The following NAA25 variants were observed in gnomAD, a reference collection of about 807,000 sequenced individuals.
The protein encoded by NAA25 is N-terminal acetyltransferase B complex subunit NAA25.
A neutral mutation model predicts 132.5 loss-of-function variants in NAA25; 30 were observed. That is an observed-to-expected ratio of 0.23 (90% confidence interval 0.17 to 0.31). The LOEUF (loss-of-function observed/expected upper bound fraction) is 0.31. Ranked by LOEUF, NAA25 falls within the 10% of genes least tolerant of loss-of-function variation. The pLI is 1.00. For missense variants in NAA25, 771 were observed against 1,150.4 expected (o/e 0.67, Z 4.77); for synonymous variants, 359 against 401.9 (o/e 0.89, Z 1.28).
At chr12:112,055,730 AG>A in intron 13 of NAA25, among the ~76,000 whole-genome samples, 1 of 152,026 alleles carries the variant, frequency 6.6e-6, no homozygotes, top group East Asian at 1.9e-4. Context: ...AAAAAAAAAA[AG>A]AAAAAAAAAT....
At chr12:112,101,116 C>G (rs1318452543) in intron 1 of NAA25, among the ~76,000 whole-genome samples, 2 of 152,154 alleles carry the variant, frequency 1.3e-5, no homozygotes, top group African/African-American at 4.8e-5. Context: ...TTGCCTAACC[C>G]TGGTTCTCTT....
intron 1 of NAA25, 86 bp from the exon 2 acceptor site, chr12:112,093,222 G>A (rs1372439153): frequency 3.7e-6 from 3 of 807,512 alleles, no homozygotes; most frequent in African/African-American, 3.5e-5. Flanking sequence ...AGATATTTTG[G>A]AAAATATCTT....
chr12:112,043,021 A>G lies in NAA25; in HGVS notation c.2374+67T>C, dbSNP rs2078324603. 2.7e-6 allele frequency: 4 copies of G among 1,458,574 alleles called. No individual in the cohort carries two copies. In the South Asian group the frequency reaches 5.9e-5, roughly 22 times the overall value. The allele number at this position is 1,458,574 out of a possible 1,614,324, so 90.4% of individuals were successfully genotyped here. A position where few individuals can be genotyped will look rare whatever the true frequency, so the allele number is the denominator to read the frequency against. On this transcript the variant is annotated intron_variant, in intron 19 of 23. Transcript: ENST00000261745. ...TAAAATTTTCCAGATGTGAGGTTAT[A>G]GACATTTTATTACGTGTACTACATT... is the stretch of plus-strand genomic sequence containing the variant.
chr12:112,107,842 C>T (rs901006029), intron 1 of NAA25, among the ~76,000 whole-genome samples: 4 of 152,168 alleles, frequency 2.6e-5, no homozygotes, highest in East Asian at 1.9e-4. Flanking sequence ...TTACACATTT[C>T]GGTTATTGGA....
chr12:112,056,963 G>A (rs1416941530), intron 13 of NAA25, among the ~76,000 whole-genome samples: 2 of 152,160 alleles, frequency 1.3e-5, no homozygotes, highest in African/African-American at 2.4e-5. Context: ...GCTGAGGCGG[G>A]CGGATCACGA....
intron 11 of NAA25, among the ~76,000 whole-genome samples, chr12:112,064,443 C>T (rs1006404462): frequency 1.3e-5 from 2 of 152,150 alleles, no homozygotes; most frequent in African/African-American, 4.8e-5. Context: ...GTTGGCCAGG[C>T]TGGTCTCGAA....
intron 11 of NAA25, among the ~76,000 whole-genome samples, chr12:112,067,382 T>A (rs2078735502): frequency 6.6e-6 from 1 of 152,170 alleles, no homozygotes; most frequent in African/African-American, 2.4e-5. Flanking sequence ...TAAAAATCTC[T>A]GCAAACTCAA....
chr12:112,084,730 T>A (rs552042698), intron 4 of NAA25, among the ~76,000 whole-genome samples: 1 of 151,542 alleles, frequency 6.6e-6, no homozygotes, highest in Non-Finnish European at 1.5e-5. Context: ...GAGGTGGAGG[T>A]TGCAGTGAGC....
rs780471972 is a variant in NAA25, at chr12:112,043,739, C to T, written c.2136G>A (p.Ser712=). The T allele has an allele frequency of 3.2e-5, 52 of 1,614,132 alleles. No individual in the cohort carries two copies. The East Asian group carries it at 4.5e-4, about 14-fold the overall frequency. Residue 712 remains serine, a synonymous_variant, in exon 18 of 24, where the codon TCG becomes TCA. Coordinates refer to ENST00000261745, the MANE Select transcript of NAA25 (RefSeq NM_024953.4). ...ATACCCCATTCTCGGCAGTCTTCTC[C>T]GAGTTCTTTGGCTCCACAGGGTGGT... ...SLNHPVEPKN[S]EKTAENGVSS... is the part of the protein sequence containing the mutation.
intron 1 of NAA25, among the ~76,000 whole-genome samples, chr12:112,106,908 G>A (rs1217215183): frequency 7.5e-6 from 1 of 133,558 alleles, no homozygotes; most frequent in African/African-American, 2.8e-5. Flanking sequence ...AGTGCACTGT[G>A]ATTGTGCAAC....
At chr12:112,033,023 A>C (rs1415682756) in intron 23 of NAA25, among the ~76,000 whole-genome samples, 1 of 152,248 alleles carries the variant, frequency 6.6e-6, no homozygotes, top group Non-Finnish European at 1.5e-5. Flanking sequence ...ATGCATAGAA[A>C]GGAGGACGTA....
At position 112,093,832 on chromosome 12, in the gene NAA25, C is replaced by T. The variant is rs148874417; in HGVS notation, c.59-696G>A. Among the ~76,000 whole-genome samples, 197 of 150,380 alleles carry T rather than the reference C, an allele frequency of 1.3e-3. 3 individuals carry two copies. The East Asian group carries it at 0.035, about 27-fold the overall frequency. On this transcript the variant is annotated intron_variant, in intron 1 of 23. Coordinates refer to ENST00000261745, the MANE Select transcript of NAA25 (RefSeq NM_024953.4). ...GAAGTTGAGGCTACAGTGTGAGCCA[C>T]GGTCGTGCCACTGCACTCCAGTTTG...
At chr12:112,070,837 C>T (rs1354821060) in intron 10 of NAA25, among the ~76,000 whole-genome samples, 1 of 152,180 alleles carries the variant, frequency 6.6e-6, no homozygotes, top group Non-Finnish European at 1.5e-5. Flanking sequence ...ACCTGTACCT[C>T]CCAGGTTCAA....
At chr12:112,084,923 C>G (rs577526765) in intron 4 of NAA25, among the ~76,000 whole-genome samples, 1 of 151,624 alleles carries the variant, frequency 6.6e-6, no homozygotes, top group South Asian at 2.1e-4. Flanking sequence ...ATGGTGAAAC[C>G]CCATCTCTAT....
At position 112,061,194 on chromosome 12, in the gene NAA25, A is replaced by G. The variant is rs756502726; in HGVS notation, c.1344T>C (p.His448=). ...ATGGTTGCTCACCAAATTCCAGTCC[A>G]TGCTGGTACCTTAACATCAATTCTC... is the stretch of plus-strand genomic sequence containing the variant. ...VVRELMLRYQ[H]GLEFGKTCLK... is the part of the protein sequence containing the mutation. The change falls in exon 12 of 24, where the codon CAT becomes CAC. Residue 448 remains histidine, a synonymous_variant. Transcript: ENST00000261745. 1 of 1,613,410 alleles carries G rather than the reference A, an allele frequency of 6.2e-7. No individual in the cohort carries two copies. The highest frequency in any genetic ancestry group is 8.5e-7 in the Non-Finnish European group (1 of 1,179,892).
Position 112,028,295 on chromosome 12 carries a change from G to A in NAA25, c.*1236C>T, listed in dbSNP as rs1283737655. On this transcript the variant is annotated 3_prime_UTR_variant, in exon 24 of 24. Coordinates refer to ENST00000261745, the MANE Select transcript of NAA25 (RefSeq NM_024953.4). ...TTTAGGTAACAGACCAAAAACAGAAGCAGGGATTTAAACAGAAAAATATTA... is the reference window on the plus strand; with the variant it reads ...TTTAGGTAACAGACCAAAAACAGAAACAGGGATTTAAACAGAAAAATATTA... The A allele has an allele frequency of 6.6e-6, 1 of 152,510 alleles. No homozygotes were observed. The highest frequency in any genetic ancestry group is 2.4e-5 in the African/African-American group (1 of 41,446). 9.4% of individuals were successfully genotyped at this position (152,510 alleles called of 1,614,324 possible). A position where few individuals can be genotyped will look rare whatever the true frequency, so the allele number is the denominator to read the frequency against.
At position 112,053,677 on chromosome 12, in the gene NAA25, G is replaced by C; in HGVS notation, c.1629-20C>G. 53 of 1,493,646 alleles carry C rather than the reference G, an allele frequency of 3.5e-5. No homozygotes were observed. The highest frequency in any genetic ancestry group is 5.1e-5 in the South Asian group (4 of 78,490). 92.5% of individuals were successfully genotyped at this position (1,493,646 alleles called of 1,614,324 possible). On this transcript the variant is annotated intron_variant, in intron 14 of 23. Transcript: ENST00000261745. ...AGATAACTAGATCAGAAGGAAAGAA[G>C]GAAAAAAAAAGACATGTTATACTTA...
At chr12:112,080,603 C>T (rs1163387799) in intron 5 of NAA25, among the ~76,000 whole-genome samples, 3 of 151,966 alleles carry the variant, frequency 2.0e-5, no homozygotes, top group Admixed American at 6.6e-5. Flanking sequence ...TGGGTTCAAG[C>T]GACCCTCCTG....
chr12:112,077,472 CA>C (rs566503271), intron 7 of NAA25, among the ~76,000 whole-genome samples: 107 of 133,484 alleles, frequency 8.0e-4, no homozygotes, highest in Non-Finnish European at 7.7e-4. Context: ...ACTCTGTCTC[CA>C]AAAAAAAAAA....
Sources: allele counts gnomAD v4.1 joint callset (sites outside exome capture counted in the v4.1 genomes callset), GRCh38; gene constraint gnomAD v4.1.1; transcripts MANE v1.5; gene names NCBI Gene and HGNC (gene_info 2026-07-23, HGNC 2026-07-21).